NEGR1: variants seen among roughly 807,000 people sequenced by gnomAD.
The protein encoded by NEGR1 is IgLON family member 4.
A neutral mutation model predicts 40.9 loss-of-function variants in NEGR1; 10 were observed. The ratio of observed to expected loss-of-function variants is 0.24; its 90% CI spans 0.15 to 0.42. The LOEUF (loss-of-function observed/expected upper bound fraction) is 0.42, where lower values mean the gene tolerates loss of function less well. Among genes scored for constraint, NEGR1 ranks in the 10% least tolerant of loss-of-function variants. NEGR1 has a pLI of 1.00. For synonymous variants in NEGR1, 185 were observed against 166.8 expected (o/e 1.11, Z -0.84); for missense variants, 352 against 438.9 (o/e 0.80, Z 1.77).
At position 72,163,553 on chromosome 1, in the gene NEGR1, T is replaced by A. The variant is rs558592646; in HGVS notation, c.176+118766A>T. On this transcript the variant is annotated intron_variant, in intron 1 of 6. Transcript: ENST00000357731. Reference sequence around the variant, plus strand: ...ATGTAGTTTTAGAACAATTTAGTTGTTAAACTAGGCTCAGTATAGATTTAG... The same window carrying A: ...ATGTAGTTTTAGAACAATTTAGTTGATAAACTAGGCTCAGTATAGATTTAG... 7.9e-5 allele frequency among the ~76,000 whole-genome samples: 12 copies of A among 152,220 alleles called. No individual in the cohort carries two copies. In the South Asian group the frequency reaches 2.5e-3, roughly 32 times the overall value.
intron 1 of NEGR1, among the ~76,000 whole-genome samples, chr1:71,953,083 C>T (rs1048575311): frequency 6.6e-6 from 1 of 151,816 alleles, no homozygotes; most frequent in South Asian, 2.1e-4. Context: ...CCTAGTAACA[C>T]AACACCCATA....
chr1:72,171,580 G>T (rs1312271847), intron 1 of NEGR1, among the ~76,000 whole-genome samples: 2 of 152,100 alleles, frequency 1.3e-5, no homozygotes, highest in African/African-American at 4.8e-5. Context: ...TACTTTAAAT[G>T]ATTTCCTTCC....
At chr1:72,075,613 T>A (rs1334004712) in intron 1 of NEGR1, among the ~76,000 whole-genome samples, 1 of 152,178 alleles carries the variant, frequency 6.6e-6, no homozygotes, top group Admixed American at 6.6e-5. Context: ...GTGCTGACCA[T>A]CTGGATGAAT....
At chr1:71,409,855 C>T (rs1051872442) in intron 6 of NEGR1, among the ~76,000 whole-genome samples, 19 of 151,976 alleles carry the variant, frequency 1.3e-4, no homozygotes, top group African/African-American at 3.9e-4. Flanking sequence ...AAGGAAGCCA[C>T]GTGATTATAG....
At chr1:72,259,882 C>A (rs188623808) in intron 1 of NEGR1, among the ~76,000 whole-genome samples, 1 of 152,168 alleles carries the variant, frequency 6.6e-6, no homozygotes, top group African/African-American at 2.4e-5. Context: ...CTCACCTTTT[C>A]TTTTACTATT....
At chr1:71,894,410 C>A (rs1381129200) in intron 2 of NEGR1, among the ~76,000 whole-genome samples, 1 of 152,168 alleles carries the variant, frequency 6.6e-6, no homozygotes, top group East Asian at 1.9e-4. Context: ...AGTAGCAATT[C>A]ATAATGACAA....
intron 6 of NEGR1, chr1:71,463,433 T>C (rs1646726570): frequency 6.6e-6 from 1 of 152,144 alleles, no homozygotes; most frequent in African/African-American, 2.4e-5. Context: ...TTTGAACAGA[T>C]ACCTTTGAGA....
Position 71,405,695 on chromosome 1 carries a change from A to G in NEGR1, c.*1751T>C, listed in dbSNP as rs1646274000. Reference sequence around the variant, plus strand: ...TGGGACTAAGTTTTACTTGAAGAAAAAAAATCACAGTTTTTAAGCCATCCC... The same window carrying G: ...TGGGACTAAGTTTTACTTGAAGAAAGAAAATCACAGTTTTTAAGCCATCCC... On this transcript the variant is annotated 3_prime_UTR_variant, in exon 7 of 7. Coordinates refer to ENST00000357731, the MANE Select transcript of NEGR1 (RefSeq NM_173808.3). 6.6e-6 allele frequency: 1 copy of G among 151,900 alleles called. No homozygotes were observed. Among genetic ancestry groups the G allele is most frequent in the South Asian group, 2.1e-4 (1 of 4,812 alleles). 9.4% of individuals were successfully genotyped at this position (151,900 alleles called of 1,614,324 possible). A position where few individuals can be genotyped will look rare whatever the true frequency, so the allele number is the denominator to read the frequency against.
chr1:71,434,679 A>G (rs185160263), intron 6 of NEGR1, among the ~76,000 whole-genome samples: 273 of 152,360 alleles, frequency 1.8e-3, no homozygotes, highest in African/African-American at 6.3e-3. Context: ...AAGTCATGAC[A>G]TTATAAGAAA....
intron 1 of NEGR1, among the ~76,000 whole-genome samples, chr1:71,948,930 T>C (rs1646044795): frequency 1.3e-5 from 2 of 152,130 alleles, no homozygotes; most frequent in African/African-American, 4.8e-5. Flanking sequence ...TGATATTAGT[T>C]ATTACTTCCT....
intron 2 of NEGR1, among the ~76,000 whole-genome samples, chr1:71,828,931 A>G (rs1370340245): frequency 6.6e-6 from 1 of 151,976 alleles, no homozygotes; most frequent in East Asian, 1.9e-4. Flanking sequence ...GGGCCTGTGT[A>G]TGTATTTCAG....
At chr1:71,635,980 C>A (rs1160230567) in intron 4 of NEGR1, among the ~76,000 whole-genome samples, 1 of 151,942 alleles carries the variant, frequency 6.6e-6, no homozygotes, top group Admixed American at 6.6e-5. Flanking sequence ...CAAGTAAACA[C>A]TTGACAAATA....
At chr1:72,170,407 G>A (rs1651918505) in intron 1 of NEGR1, among the ~76,000 whole-genome samples, 1 of 152,046 alleles carries the variant, frequency 6.6e-6, no homozygotes. Context: ...TCCCTCAGCT[G>A]GAATGTAAAA....
At chr1:72,000,055 G>T (rs1019071629) in intron 1 of NEGR1, among the ~76,000 whole-genome samples, 1 of 151,710 alleles carries the variant, frequency 6.6e-6, no homozygotes, top group African/African-American at 2.4e-5. Flanking sequence ...CACTACGAAA[G>T]GTATGCTAAA....
intron 6 of NEGR1, among the ~76,000 whole-genome samples, chr1:71,478,393 T>C (rs1407468898): frequency 1.3e-5 from 2 of 152,042 alleles, no homozygotes; most frequent in Non-Finnish European, 2.9e-5. Context: ...ACAATAATTA[T>C]TTGTGAATAC....
At chr1:72,226,068 T>C (rs1405963627) in intron 1 of NEGR1, among the ~76,000 whole-genome samples, 1 of 151,804 alleles carries the variant, frequency 6.6e-6, no homozygotes, top group Non-Finnish European at 1.5e-5. Flanking sequence ...GAAATAGCCA[T>C]ATATATTGTT....
chr1:71,559,083 A>G (rs796646040), intron 6 of NEGR1, among the ~76,000 whole-genome samples: 32 of 148,822 alleles, frequency 2.2e-4, no homozygotes, highest in African/African-American at 7.3e-4. Context: ...ATATATGTAT[A>G]TATCAACATG....
At chr1:71,694,384 A>G (rs1653403413) in intron 4 of NEGR1, among the ~76,000 whole-genome samples, 1 of 151,820 alleles carries the variant, frequency 6.6e-6, no homozygotes, top group South Asian at 2.1e-4. Flanking sequence ...AAAGTTACGA[A>G]TAAGGACTTG....
chr1:71,895,868 A>G (rs1660956683), intron 2 of NEGR1, among the ~76,000 whole-genome samples: 2 of 152,020 alleles, frequency 1.3e-5, no homozygotes, highest in African/African-American at 4.8e-5. Context: ...ATTTGGCCAC[A>G]TTTTCTTTCA....
Sources: gnomAD v4.1 joint callset for allele counts (sites outside exome capture counted in the v4.1 genomes callset) on GRCh38, gnomAD v4.1.1 for gene constraint, MANE v1.5 for transcripts, NCBI Gene and HGNC (gene_info 2026-07-23, HGNC 2026-07-21) for gene names.